The following CDKL5 variants were observed in gnomAD, a reference collection of about 807,000 sequenced individuals.
The protein encoded by CDKL5 is cyclin-dependent kinase-like 5.
In CDKL5, 8 loss-of-function variants were observed where a neutral mutation model predicts 61.7. The ratio of observed to expected loss-of-function variants is 0.13; its 90% confidence interval spans 0.08 to 0.23. CDKL5 has a LOEUF of 0.23. Among genes scored for constraint, CDKL5 ranks in the 10% least tolerant of loss-of-function variants. The pLI, the probability that CDKL5 is intolerant of heterozygous loss-of-function variation, is 1.00. For synonymous variants in CDKL5, 275 were observed against 272.3 expected, an observed-to-expected ratio of 1.01 and a Z score of -0.10; for missense variants, 440 against 734.5, an observed-to-expected ratio of 0.60 and a Z score of 4.63.
At chrX:18,452,387 A>G (rs1011437838) in intron 1 of CDKL5, among the ~76,000 whole-genome samples, 1 of 111,702 alleles carries the variant, frequency 9.0e-6, no homozygotes, top group Non-Finnish European at 1.9e-5. Context: ...AAGTAGTATT[A>G]ACACATCGCT....
chrX:18,497,082 T>G (rs1922201808), intron 1 of CDKL5, among the ~76,000 whole-genome samples: 1 of 109,371 alleles, frequency 9.1e-6, no homozygotes, highest in African/African-American at 3.3e-5. Flanking sequence ...AACCTCTGCC[T>G]CCTGGGTTCA....
intron 1 of CDKL5, among the ~76,000 whole-genome samples, chrX:18,485,348 T>C (rs1401924271): frequency 9.0e-6 from 1 of 111,625 alleles, no homozygotes; most frequent in East Asian, 2.8e-4. Context: ...TTCTGACTAG[T>C]GTCTGCCCTA....
intron 3 of CDKL5, among the ~76,000 whole-genome samples, chrX:18,537,695 A>G (rs779404772): frequency 1.8e-5 from 2 of 111,840 alleles, no homozygotes; most frequent in East Asian, 2.8e-4. Flanking sequence ...GCAACCACTA[A>G]TGTGTACTTC....
intron 1 of CDKL5, among the ~76,000 whole-genome samples, chrX:18,495,023 C>T (rs1201526795): frequency 9.8e-5 from 11 of 111,944 alleles, no homozygotes; most frequent in Admixed American, 8.5e-4. Context: ...TTCACAAGGC[C>T]GTGCCTTCCA....
At chrX:18,536,248 A>C (rs1923820984) in intron 3 of CDKL5, 1 of 110,083 alleles carries the variant, frequency 9.1e-6, no homozygotes, top group Admixed American at 9.8e-5. Flanking sequence ...TGGTACTCAA[A>C]AACCTCAGTC....
chrX:18,476,136 T>G lies in CDKL5; in HGVS notation c.-162-30799T>G, dbSNP rs1006898977. Among the ~76,000 whole-genome samples, 3 of 112,061 alleles carry G rather than the reference T, an allele frequency of 2.7e-5. No individual in the cohort carries two copies. In the East Asian group the frequency reaches 8.3e-4, roughly 31 times the overall value. ...TTTCTTTGGTTCAACTTTCAGTACT[T>G]TGTGAGCTCTCTCATTAGGTGCAAT... On this transcript the variant is annotated intron_variant, in intron 1 of 17. Coordinates refer to ENST00000623535, the MANE Select transcript of CDKL5 (RefSeq NM_001323289.2).
chrX:18,633,658 G>A lies in CDKL5; in HGVS notation c.*4901G>A. The A allele has an allele frequency of 1.3e-6, 1 of 754,435 alleles. No homozygotes were observed. Among genetic ancestry groups the A allele is most frequent in the Non-Finnish European group, 1.6e-6 (1 of 639,366 alleles). The allele number at this position is 754,435 out of a possible 1,213,427, so 62.2% of individuals were successfully genotyped here. A position where few individuals can be genotyped will look rare whatever the true frequency, so the allele number is the denominator to read the frequency against. On this transcript the variant is annotated 3_prime_UTR_variant, in exon 18 of 18. Coordinates refer to ENST00000623535, the MANE Select transcript of CDKL5 (RefSeq NM_001323289.2). Reference sequence around the variant, plus strand: ...CATACACGCAATGTGGGAGAAGTGGGGTGGCTAGGAAACTCTGGGCCTGCT... The same window carrying A: ...CATACACGCAATGTGGGAGAAGTGGAGTGGCTAGGAAACTCTGGGCCTGCT...
At chrX:18,621,076 C>T (rs772595764) in intron 16 of CDKL5, among the ~76,000 whole-genome samples, 59 of 112,075 alleles carry the variant, frequency 5.3e-4, no homozygotes, top group Non-Finnish European at 8.1e-4. Flanking sequence ...TTACTTCATA[C>T]GTAATTTATT....
intron 3 of CDKL5, among the ~76,000 whole-genome samples, chrX:18,528,490 A>G (rs1452139661): frequency 2.7e-5 from 3 of 110,150 alleles, no homozygotes; most frequent in Non-Finnish European, 5.7e-5. Context: ...GCTTTGTCTA[A>G]AATTTATATA....
Position 18,604,374 on chromosome X carries a change from A to G in CDKL5, c.1450A>G (p.Thr484Ala). 8.3e-7 allele frequency: 1 copy of G among 1,209,558 alleles called. No individual in the cohort carries two copies. The highest frequency in any genetic ancestry group is 3.0e-5 in the East Asian group (1 of 33,770). The change falls in exon 12 of 18, where the codon ACC (threonine) becomes GCC (alanine). Residue 484 changes from threonine (T) to alanine (A), a missense_variant. Physicochemically the swap from Thr to Ala is moderately conservative, Grantham distance 58. Coordinates refer to ENST00000623535, the MANE Select transcript of CDKL5 (RefSeq NM_001323289.2). ...PQSSRSPSYRTKAKSHGALSD... is the reference protein window; with the variant it reads ...PQSSRSPSYRAKAKSHGALSD... ...GTCCTCTAGGAGTCCCTCCTACAGG[A>G]CCAAGGCCAAAAGCCATGGGGCACT...
intron 3 of CDKL5, among the ~76,000 whole-genome samples, chrX:18,529,080 C>CT (rs57521306): frequency 1.1e-4 from 11 of 101,404 alleles, no homozygotes; most frequent in Admixed American, 1.1e-4. Flanking sequence ...GTTGTACTTA[C>CT]TTTTTTTTTT....
At chrX:18,474,409 T>A (rs1433094185) in intron 1 of CDKL5, among the ~76,000 whole-genome samples, 1 of 111,358 alleles carries the variant, frequency 9.0e-6, no homozygotes, top group Non-Finnish European at 1.9e-5. Context: ...CCAAGTTTTA[T>A]AAGTCCCCAA....
At position 18,625,250 on chromosome X, in the gene CDKL5, G is replaced by A. The variant is rs1057523074; in HGVS notation, c.2496+3G>A. On this transcript the variant is annotated splice_donor_region_variant and intron_variant, in intron 17 of 17. Coordinates refer to ENST00000623535, the MANE Select transcript of CDKL5 (RefSeq NM_001323289.2). ...AGATCTCAGATCTGCAGACCCAAGT[G>A]AGTGGATCCTGCACCACTGCTAGAC... is the stretch of plus-strand genomic sequence containing the variant. 8 of 1,208,682 alleles carry A rather than the reference G, an allele frequency of 6.6e-6. No homozygotes were observed. The highest frequency in any genetic ancestry group is 8.9e-6 in the Non-Finnish European group (8 of 894,402).
intron 20 of CDKL5, among the ~76,000 whole-genome samples, chrX:18,648,218 A>C (rs967244263): frequency 3.7e-5 from 4 of 109,336 alleles, no homozygotes; most frequent in African/African-American, 1.3e-4. Context: ...TTTTCAACCC[A>C]GTATTCATTC....
intron 4 of CDKL5, among the ~76,000 whole-genome samples, chrX:18,575,139 A>G (rs1473067837): frequency 8.9e-6 from 1 of 112,151 alleles, no homozygotes; most frequent in African/African-American, 3.2e-5. Context: ...CAGGAAGTCA[A>G]GTTTGTGCTG....
intron 3 of CDKL5, among the ~76,000 whole-genome samples, chrX:18,554,334 A>G (rs1358110779): frequency 9.3e-6 from 1 of 107,109 alleles, no homozygotes; most frequent in Non-Finnish European, 1.9e-5. Flanking sequence ...TTTTTGGCCT[A>G]ATGAAAACCA....
intron 3 of CDKL5, among the ~76,000 whole-genome samples, chrX:18,530,589 A>G (rs1923609700): frequency 9.0e-6 from 1 of 111,675 alleles, no homozygotes; most frequent in Non-Finnish European, 1.9e-5. Context: ...TTTTCCTATT[A>G]GAGCCCTTAA....
Position 18,634,049 on chromosome X carries a change from C to T in CDKL5, c.*5292C>T. ...TGAAACTAGTTTCACTTCTAAAGCCCTTCATTTCCCACAAGGTTAAGCTCT... is the reference window on the plus strand; with the variant it reads ...TGAAACTAGTTTCACTTCTAAAGCCTTTCATTTCCCACAAGGTTAAGCTCT... On this transcript the variant is annotated 3_prime_UTR_variant, in exon 18 of 18. Transcript: ENST00000623535. 1.3e-6 allele frequency: 1 copy of T among 754,185 alleles called. No individual in the cohort carries two copies. Among genetic ancestry groups the T allele is most frequent in the Non-Finnish European group, 1.6e-6 (1 of 639,370 alleles). 62.2% of individuals were successfully genotyped at this position (754,185 alleles called of 1,213,427 possible).
intron 1 of CDKL5, among the ~76,000 whole-genome samples, chrX:18,465,176 C>G (rs1269676344): frequency 9.0e-6 from 1 of 111,259 alleles, no homozygotes; most frequent in African/African-American, 3.3e-5. Flanking sequence ...TTGAAAAGAT[C>G]TGATTTGCAG....
Sources: allele counts gnomAD v4.1 joint callset (sites outside exome capture counted in the v4.1 genomes callset), GRCh38; gene constraint gnomAD v4.1.1; transcripts MANE v1.5; gene names NCBI Gene and HGNC (gene_info 2026-07-23, HGNC 2026-07-21).